The following EXOC6B variants were observed in gnomAD, a reference collection of about 807,000 sequenced individuals.
EXOC6B encodes the protein exocyst complex component 6B, also known as SEC15 homolog B.
A neutral mutation model predicts 113.5 loss-of-function variants in EXOC6B; 54 were observed. The ratio of observed to expected loss-of-function variants is 0.48; its 90% CI spans 0.38 to 0.60. The LOEUF is 0.60. Among genes scored for constraint, EXOC6B ranks in the 20% least tolerant of loss-of-function variants. The pLI, the probability that EXOC6B is intolerant of heterozygous loss-of-function variation, is 0.00. For missense variants in EXOC6B, 797 were observed against 977.5 expected (o/e 0.82, Z 2.46); for synonymous variants, 357 against 339.0 (o/e 1.05, Z -0.58).
chr2:72,279,531 T>C (rs564842893), intron 20 of EXOC6B, among the ~76,000 whole-genome samples: 4 of 152,202 alleles, frequency 2.6e-5, no homozygotes, highest in African/African-American at 9.6e-5. Context: ...AAAATTTTAA[T>C]AGCAAAGGAA....
intron 19 of EXOC6B, among the ~76,000 whole-genome samples, chr2:72,344,297 C>G (rs1383185173): frequency 1.3e-5 from 2 of 152,018 alleles, no homozygotes; most frequent in Non-Finnish European, 2.9e-5. Flanking sequence ...TTTTATATCT[C>G]TTTATTGCTA....
rs938380768 is a variant in EXOC6B, at chr2:72,745,911, G to A, written c.114-4442C>T. ...AATATCAGTAGTCAACAATGCAGTC[G>A]AACAAAGTGTGGCATTTTTTTCTTT... On this transcript the variant is annotated intron_variant, in intron 1 of 21. Coordinates refer to ENST00000272427, the MANE Select transcript of EXOC6B (RefSeq NM_015189.3). Among the ~76,000 whole-genome samples the A allele has an allele frequency of 7.2e-5, 11 of 152,072 alleles. No homozygotes were observed. The East Asian group carries it at 1.2e-3, about 16-fold the overall frequency.
At chr2:72,763,200 T>C (rs760371657) in intron 1 of EXOC6B, among the ~76,000 whole-genome samples, 3 of 152,156 alleles carry the variant, frequency 2.0e-5, no homozygotes, top group African/African-American at 7.2e-5. Flanking sequence ...CCTAGTCATA[T>C]AGGTAATTGT....
At chr2:72,683,380 T>A (rs1676852637) in intron 6 of EXOC6B, among the ~76,000 whole-genome samples, 1 of 152,172 alleles carries the variant, frequency 6.6e-6, no homozygotes, top group Non-Finnish European at 1.5e-5. Flanking sequence ...ATAAAATTTT[T>A]AAAATGATTT....
chr2:72,788,006 G>T (rs1684472218), intron 1 of EXOC6B, among the ~76,000 whole-genome samples: 1 of 152,114 alleles, frequency 6.6e-6, no homozygotes, highest in African/African-American at 2.4e-5. Context: ...TGACCTTAAA[G>T]AAATAATTTA....
At chr2:72,590,668 T>C (rs1705883892) in intron 6 of EXOC6B, among the ~76,000 whole-genome samples, 1 of 152,002 alleles carries the variant, frequency 6.6e-6, no homozygotes, top group Admixed American at 6.6e-5. Context: ...CCTTCCATAA[T>C]CTAATGTTTC....
intron 8 of EXOC6B, among the ~76,000 whole-genome samples, chr2:72,535,683 A>T (rs1702249279): frequency 6.6e-6 from 1 of 151,594 alleles, no homozygotes; most frequent in Non-Finnish European, 1.5e-5. Flanking sequence ...GACCAGCCTG[A>T]CCAACATAGA....
chr2:72,405,393 A>T (rs1012881825), intron 18 of EXOC6B, among the ~76,000 whole-genome samples: 1 of 152,222 alleles, frequency 6.6e-6, no homozygotes, highest in Admixed American at 6.5e-5. Flanking sequence ...TCCAAGACAC[A>T]TAATTGTCAG....
At chr2:72,681,352 T>C (rs1218207894) in intron 6 of EXOC6B, among the ~76,000 whole-genome samples, 1 of 152,172 alleles carries the variant, frequency 6.6e-6, no homozygotes, top group Admixed American at 6.6e-5. Flanking sequence ...CAAAACTCTA[T>C]ATGCATGCCT....
intron 17 of EXOC6B, among the ~76,000 whole-genome samples, chr2:72,477,637 T>C (rs1698829026): frequency 6.6e-6 from 1 of 152,254 alleles, no homozygotes; most frequent in Non-Finnish European, 1.5e-5. Flanking sequence ...TCACATCTCA[T>C]TTCAGAATAC....
chr2:72,696,483 A>T (rs765131214), intron 6 of EXOC6B, among the ~76,000 whole-genome samples: 1 of 152,106 alleles, frequency 6.6e-6, no homozygotes, highest in Non-Finnish European at 1.5e-5. Flanking sequence ...TGCTTCTTTC[A>T]TCAAGAGATT....
In EXOC6B at chr2:72,575,574, T is replaced by A; in HGVS notation, c.764A>T (p.Asp255Val). ...CGGACTAGTACTTTCTATCTCTGTA[T>A]CAAAGATTATATATGCATCTTTCTT... ...KSKKDAYIIF[D>V]TEIESTSPKS... Residue 255 changes from aspartate to valine, a missense_variant, in exon 7 of 22, where the codon GAT becomes GTT. Physicochemically the swap from Asp to Val is radical, Grantham distance 152. Coordinates refer to ENST00000272427, the MANE Select transcript of EXOC6B (RefSeq NM_015189.3). 1 of 1,611,824 alleles carries A rather than the reference T, an allele frequency of 6.2e-7. No homozygotes were observed. The highest frequency in any genetic ancestry group is 1.1e-5 in the South Asian group (1 of 90,546).
At chr2:72,212,455 A>G (rs544402459) in intron 20 of EXOC6B, among the ~76,000 whole-genome samples, 3 of 152,328 alleles carry the variant, frequency 2.0e-5, no homozygotes, top group Non-Finnish European at 4.4e-5. Context: ...GCTGGTACTG[A>G]GAAGGGATAA....
chr2:72,290,146 T>C (rs938272785), intron 20 of EXOC6B, among the ~76,000 whole-genome samples: 11 of 152,236 alleles, frequency 7.2e-5, no homozygotes, highest in African/African-American at 1.9e-4. Context: ...TGAACTGTAA[T>C]TATATCAGTG....
At chr2:72,643,508 C>T (rs995002790) in intron 6 of EXOC6B, among the ~76,000 whole-genome samples, 5 of 147,770 alleles carry the variant, frequency 3.4e-5, no homozygotes, top group Non-Finnish European at 7.4e-5. Context: ...TAAACTATCG[C>T]AAGAACAAAA....
At chr2:72,207,022 T>A (rs1044191868) in intron 20 of EXOC6B, among the ~76,000 whole-genome samples, 7 of 152,224 alleles carry the variant, frequency 4.6e-5, no homozygotes, top group African/African-American at 1.7e-4. Flanking sequence ...AACACTTTTT[T>A]TTCTCACCAA....
chr2:72,789,270 T>G (rs570804300), intron 1 of EXOC6B, among the ~76,000 whole-genome samples: 1 of 152,350 alleles, frequency 6.6e-6, no homozygotes, highest in East Asian at 1.9e-4. Flanking sequence ...TTGCCAATCA[T>G]TATGATCAAA....
chr2:72,299,916 C>T (rs1160170147), intron 20 of EXOC6B, among the ~76,000 whole-genome samples: 2 of 152,118 alleles, frequency 1.3e-5, no homozygotes, highest in African/African-American at 4.8e-5. Context: ...CTGGAAACTT[C>T]GTCCCAGAGC....
At chr2:72,703,958 A>G (rs1678635981) in intron 6 of EXOC6B, among the ~76,000 whole-genome samples, 1 of 152,068 alleles carries the variant, frequency 6.6e-6, no homozygotes, top group African/African-American at 2.4e-5. Context: ...TTCCAACACT[A>G]TGTTGAAACC....
Sources: allele counts gnomAD v4.1 joint callset (sites outside exome capture counted in the v4.1 genomes callset), GRCh38; gene constraint gnomAD v4.1.1; transcripts MANE v1.5; gene names NCBI Gene and HGNC (gene_info 2026-07-23, HGNC 2026-07-21).